Variants in CSMD2 observed in about 807,000 individuals in gnomAD.
CSMD2 encodes the protein CUB and Sushi multiple domains 2, also known as CUB and sushi domain-containing protein 2.
CSMD2 carries 130 observed loss-of-function variants against 398.5 expected under a neutral mutation model. The observed-to-expected ratio is 0.33, with a 90% CI of 0.28 to 0.38. CSMD2 has a LOEUF of 0.38. Among genes scored for constraint, CSMD2 ranks in the 10% least tolerant of loss-of-function variants. The probability of loss-of-function intolerance (pLI) is 1.00; values close to 1 mark genes in which losing one functional copy is unlikely to be tolerated. For missense variants in CSMD2, 3,829 were observed against 4,764.9 expected, an observed-to-expected ratio of 0.80 and a Z score of 5.78; for synonymous variants, 1,828 against 1,908.5, an observed-to-expected ratio of 0.96 and a Z score of 1.10.
intron 3 of CSMD2, among the ~76,000 whole-genome samples, chr1:34,002,557 T>G (rs946010383): frequency 9.2e-5 from 14 of 152,206 alleles, no homozygotes; most frequent in Non-Finnish European, 1.3e-4. Context: ...TGGGGCGACT[T>G]AAGTGCTTAA....
In CSMD2 at chr1:34,006,256, T is replaced by A. The variant is rs1570784695; in HGVS notation, c.517+26338A>T. Reference sequence around the variant, plus strand: ...GACCTCATCAGGGTCCCTTAGTCCTTAACTCAGAGATTAATATCTTGCCTA... The same window carrying A: ...GACCTCATCAGGGTCCCTTAGTCCTAAACTCAGAGATTAATATCTTGCCTA... On this transcript the variant is annotated intron_variant, in intron 3 of 70. Coordinates refer to ENST00000373381, the MANE Select transcript of CSMD2 (RefSeq NM_001281956.2). 1.3e-5 allele frequency among the ~76,000 whole-genome samples: 2 copies of A among 152,274 alleles called. 1 individual carries two copies. The highest frequency in any genetic ancestry group is 6.8e-3 in the Middle Eastern group (2 of 294).
chr1:33,735,896 A>G (rs567991276), intron 15 of CSMD2, among the ~76,000 whole-genome samples: 1 of 152,338 alleles, frequency 6.6e-6, no homozygotes, highest in Non-Finnish European at 1.5e-5. Context: ...AGGCTCAGAC[A>G]AAAGGAGGGA....
intron 13 of CSMD2, among the ~76,000 whole-genome samples, chr1:33,767,335 T>G (rs1438187681): frequency 6.6e-6 from 1 of 152,258 alleles, no homozygotes; most frequent in African/African-American, 2.4e-5. Context: ...ATGAATATTT[T>G]CTTTATTTAA....
Position 33,569,256 on chromosome 1 carries a change from A to C in CSMD2, c.8131+118T>G. On this transcript the variant is annotated intron_variant, in intron 52 of 70. Transcript: ENST00000373381. ...TGGCCAATAGTTGGTGTTTGGATTA[A>C]GCATTTTATGTCAATAGGTGAAATG... 4 of 1,107,682 alleles carry C rather than the reference A, an allele frequency of 3.6e-6. No individual in the cohort carries two copies. In the South Asian group the frequency reaches 6.2e-5, roughly 17 times the overall value. The allele number at this position is 1,107,682 out of a possible 1,614,324, so 68.6% of individuals were successfully genotyped here. A position where few individuals can be genotyped will look rare whatever the true frequency, so the allele number is the denominator to read the frequency against.
intron 37 of CSMD2, among the ~76,000 whole-genome samples, chr1:33,618,978 G>A (rs897598967): frequency 2.8e-4 from 43 of 152,030 alleles, no homozygotes; most frequent in Admixed American, 1.4e-3. Context: ...TCCCTCCCTG[G>A]CTGCCTCCCA....
chr1:33,769,833 C>T (rs943282677), intron 13 of CSMD2, among the ~76,000 whole-genome samples: 6 of 152,118 alleles, frequency 3.9e-5, no homozygotes, highest in African/African-American at 1.4e-4. Context: ...ATGTTATTTG[C>T]CAAGTATTGT....
At chr1:33,767,065 T>C (rs1304576019) in intron 13 of CSMD2, among the ~76,000 whole-genome samples, 1 of 152,260 alleles carries the variant, frequency 6.6e-6, no homozygotes, top group Admixed American at 6.5e-5. Flanking sequence ...ATGCTCATTA[T>C]AGCCTTATAT....
At chr1:34,051,074 A>G (rs1317285476) in intron 2 of CSMD2, among the ~76,000 whole-genome samples, 1 of 152,216 alleles carries the variant, frequency 6.6e-6, no homozygotes, top group Non-Finnish European at 1.5e-5. Context: ...GATTCTCACT[A>G]CCAAACAGAA....
intron 1 of CSMD2, among the ~76,000 whole-genome samples, chr1:34,118,620 T>A (rs1056836915): frequency 2.0e-5 from 3 of 152,178 alleles, no homozygotes; most frequent in Non-Finnish European, 4.4e-5. Flanking sequence ...ATGAACAATC[T>A]AAAAAGGAGA....
intron 13 of CSMD2, among the ~76,000 whole-genome samples, chr1:33,765,538 C>A (rs777172519): frequency 5.3e-5 from 8 of 152,150 alleles, no homozygotes; most frequent in Non-Finnish European, 1.2e-4. Flanking sequence ...ATTATACATT[C>A]ATCTAAGTAA....
intron 1 of CSMD2, among the ~76,000 whole-genome samples, chr1:34,118,646 A>G (rs1043227221): frequency 6.6e-6 from 1 of 152,214 alleles, no homozygotes; most frequent in South Asian, 2.1e-4. Flanking sequence ...TTTGTTTTTT[A>G]TCTTTCTCCT....
At chr1:34,098,266 G>C (rs1341128717) in intron 1 of CSMD2, among the ~76,000 whole-genome samples, 1 of 117,142 alleles carries the variant, frequency 8.5e-6, no homozygotes, top group African/African-American at 3.2e-5. Context: ...ACTGTTGTGG[G>C]GTGGGGGGAG....
intron 1 of CSMD2, among the ~76,000 whole-genome samples, chr1:34,147,895 G>A (rs1471641903): frequency 1.3e-5 from 2 of 152,182 alleles, no homozygotes; most frequent in East Asian, 3.9e-4. Flanking sequence ...AGGACACAAG[G>A]TTGTTCAAGA....
chr1:33,685,134 C>T (rs1645025138), intron 25 of CSMD2, among the ~76,000 whole-genome samples: 1 of 152,206 alleles, frequency 6.6e-6, no homozygotes, highest in Non-Finnish European at 1.5e-5. Context: ...CTTCCCTCTT[C>T]TTTTAGACTG....
chr1:33,740,614 C>A (rs193118292), intron 14 of CSMD2, among the ~76,000 whole-genome samples: 1 of 152,180 alleles, frequency 6.6e-6, no homozygotes, highest in South Asian at 2.1e-4. Flanking sequence ...CAACACCCTT[C>A]CATTTGAACG....
chr1:33,825,583 A>G lies in CSMD2; in HGVS notation c.1111+114T>C, dbSNP rs541276260. On this transcript the variant is annotated intron_variant, in intron 7 of 70. Transcript: ENST00000373381. The stretch of plus-strand genomic sequence containing the variant: ...CAAGCGCAGAGCCCAGGATGGAGGA[A>G]GCAGGGTTGAAGGAAAGTCATTCCA... 2.8e-5 allele frequency: 26 copies of G among 923,202 alleles called. No homozygotes were observed. The South Asian group carries it at 3.6e-4, about 13-fold the overall frequency. The allele number at this position is 923,202 out of a possible 1,614,324, so 57.2% of individuals were successfully genotyped here. A position where few individuals can be genotyped will look rare whatever the true frequency, so the allele number is the denominator to read the frequency against.
chr1:34,086,020 GAA>G (rs146332740), intron 2 of CSMD2, among the ~76,000 whole-genome samples: 68 of 130,168 alleles, frequency 5.2e-4, no homozygotes, highest in Admixed American at 1.0e-3. Context: ...AAGTTTCCTG[GAA>G]AAAAAAAAAA....
At chr1:33,605,639 G>T (rs181048018) in intron 41 of CSMD2, among the ~76,000 whole-genome samples, 169 bp from the exon 42 acceptor site, 6 of 152,334 alleles carry the variant, frequency 3.9e-5, no homozygotes, top group Admixed American at 3.9e-4. Context: ...CAGTTTTCCT[G>T]TGTATAGAAT....
At chr1:33,531,830 G>A (rs146777267) in intron 64 of CSMD2, among the ~76,000 whole-genome samples, 38 of 152,290 alleles carry the variant, frequency 2.5e-4, no homozygotes, top group African/African-American at 8.9e-4. Flanking sequence ...GAAATGGGCA[G>A]TTATTGTTTA....
Sources: allele counts gnomAD v4.1 joint callset (sites outside exome capture counted in the v4.1 genomes callset), GRCh38; gene constraint gnomAD v4.1.1; transcripts MANE v1.5; gene names NCBI Gene and HGNC (gene_info 2026-07-23, HGNC 2026-07-21).